TENM2: variants seen among roughly 807,000 people sequenced by gnomAD.
TENM2 encodes the protein teneurin transmembrane protein 2.
A neutral mutation model predicts 245.2 loss-of-function variants in TENM2; 52 were observed. That is an observed-to-expected ratio of 0.21 (90% CI 0.17 to 0.27). The LOEUF (loss-of-function observed/expected upper bound fraction) is 0.27. Among genes scored for constraint, TENM2 ranks in the 10% least tolerant of loss-of-function variants. TENM2 has a pLI of 1.00. For missense variants in TENM2, 3,046 were observed against 3,666.8 expected (o/e 0.83, Z 4.37); for synonymous variants, 1,363 against 1,438.9 (o/e 0.95, Z 1.19).
intron 2 of TENM2, among the ~76,000 whole-genome samples, chr5:167,459,076 A>G (rs958046930): frequency 1.3e-5 from 2 of 152,166 alleles, no homozygotes; most frequent in Admixed American, 6.5e-5. Context: ...TGCCACTGTC[A>G]CCACCATGCA....
At chr5:167,963,738 C>T (rs1233210899) in intron 4 of TENM2, among the ~76,000 whole-genome samples, 3 of 152,136 alleles carry the variant, frequency 2.0e-5, no homozygotes, top group African/African-American at 7.2e-5. Context: ...CTCTTGATGT[C>T]CCCATCAGTC....
the TENM2 span, among the ~76,000 whole-genome samples, chr5:167,251,692 C>T: frequency 6.6e-6 from 1 of 152,120 alleles, no homozygotes; most frequent in Non-Finnish European, 1.5e-5. Context: ...TCCTACGAAC[C>T]TTCTGAATTT....
In TENM2 at chr5:167,678,456, A is replaced by G. The variant is rs77511172; in HGVS notation, c.503-197530A>G. On this transcript the variant is annotated intron_variant, in intron 2 of 28. Transcript: ENST00000518659. The stretch of plus-strand genomic sequence containing the variant: ...ATTGGTAAAAATAGCTAATAAGCAG[A>G]TTCTGTGCACAGATTTATCCTTTTC... Among the ~76,000 whole-genome samples, 59 of 152,272 alleles carry G rather than the reference A, an allele frequency of 3.9e-4. No homozygotes were observed. In the East Asian group the frequency reaches 7.5e-3, roughly 19 times the overall value.
chr5:167,383,728 TAAAAA>T (rs10549785), intron 2 of TENM2, among the ~76,000 whole-genome samples: 6 of 110,384 alleles, frequency 5.4e-5, no homozygotes, highest in African/African-American at 1.2e-4. Flanking sequence ...TGGTGCAGGA[TAAAAA>T]AAAAAAAAAA....
chr5:167,356,210 A>G lies in TENM2; in HGVS notation c.227-18988A>G, dbSNP rs796456241. On this transcript the variant is annotated intron_variant, in intron 1 of 28. Coordinates refer to ENST00000518659, the Ensembl canonical transcript of TENM2. ...CTCAAAAAAAAAAAAAAAAAAAAAA[A>G]AAAAAAAAAAATTAAAATTAAAAAA... 2.4e-4 allele frequency among the ~76,000 whole-genome samples: 34 copies of G among 141,670 alleles called. 1 individual carries two copies. The highest frequency in any genetic ancestry group is 9.2e-4 in the African/African-American group (33 of 35,700). 92.9% of individuals were successfully genotyped at this position (141,670 alleles called of 152,430 possible).
chr5:167,463,810 T>G (rs1207732015), intron 2 of TENM2, among the ~76,000 whole-genome samples: 1 of 152,232 alleles, frequency 6.6e-6, no homozygotes, highest in African/African-American at 2.4e-5. Context: ...ATATTTAATG[T>G]TATACATGGG....
chr5:167,113,379 AC>A, the TENM2 span, among the ~76,000 whole-genome samples: 7 of 152,088 alleles, frequency 4.6e-5, no homozygotes, highest in Admixed American at 4.6e-4. Context: ...AGGTGTTCAC[AC>A]CTGTAATAGC....
the TENM2 span, among the ~76,000 whole-genome samples, chr5:167,110,662 C>T: frequency 6.6e-6 from 1 of 152,158 alleles, no homozygotes; most frequent in Non-Finnish European, 1.5e-5. Flanking sequence ...CCATGTCTGC[C>T]ACTCACCAGC....
intron 5 of TENM2, among the ~76,000 whole-genome samples, chr5:168,023,982 T>G (rs899342171): frequency 2.6e-5 from 4 of 152,144 alleles, no homozygotes; most frequent in South Asian, 2.1e-4. Context: ...TATACATATA[T>G]AGAGAGAGAT....
chr5:168,059,662 G>A (rs1027573961), intron 6 of TENM2, among the ~76,000 whole-genome samples: 1 of 151,818 alleles, frequency 6.6e-6, no homozygotes. Flanking sequence ...CCCCAAGGAA[G>A]GGGTATCAAA....
chr5:167,753,369 A>G (rs1420357573), intron 2 of TENM2, among the ~76,000 whole-genome samples: 2 of 152,150 alleles, frequency 1.3e-5, no homozygotes, highest in African/African-American at 4.8e-5. Flanking sequence ...ACCTGGGGTA[A>G]ATCGATTGAA....
At chr5:167,239,512 T>A in the TENM2 span, among the ~76,000 whole-genome samples, 1 of 152,168 alleles carries the variant, frequency 6.6e-6, no homozygotes, top group Non-Finnish European at 1.5e-5. Context: ...ACATTAACAT[T>A]GAATTATACG....
At chr5:167,056,531 T>C in the TENM2 span, among the ~76,000 whole-genome samples, 1 of 142,132 alleles carries the variant, frequency 7.0e-6, no homozygotes, top group South Asian at 2.1e-4. Context: ...TATATATCTA[T>C]ATATCTATAA....
At chr5:167,058,426 A>G in the TENM2 span, among the ~76,000 whole-genome samples, 144 of 152,372 alleles carry the variant, frequency 9.5e-4, no homozygotes, top group African/African-American at 3.3e-3. Context: ...AAAACTTTAA[A>G]TAGCTATTGC....
At chr5:167,374,576 C>T (rs780022659) in intron 1 of TENM2, among the ~76,000 whole-genome samples, 54 of 152,052 alleles carry the variant, frequency 3.6e-4, no homozygotes, top group African/African-American at 1.1e-3. Flanking sequence ...AAGGGAATTA[C>T]CATAAATGAG....
intron 27 of TENM2, among the ~76,000 whole-genome samples, chr5:168,257,615 A>AT (rs58911868): frequency 0.15 from 20,170 of 130,862 alleles, 1,762 homozygotes; most frequent in East Asian, 0.29. Flanking sequence ...GCAGCTCCTG[A>AT]TTTTTTTTTT....
chr5:167,664,054 G>A (rs939458947), intron 2 of TENM2, among the ~76,000 whole-genome samples: 3 of 152,128 alleles, frequency 2.0e-5, no homozygotes, highest in South Asian at 2.1e-4. Context: ...CAATTTGAGC[G>A]GAGAGTGAAG....
At chr5:167,321,357 C>T (rs1756711592) in intron 1 of TENM2, among the ~76,000 whole-genome samples, 1 of 152,066 alleles carries the variant, frequency 6.6e-6, no homozygotes, top group African/African-American at 2.4e-5. Flanking sequence ...TCTCTCTGGC[C>T]TGCTTTTTCC....
chr5:167,198,123 G>T, the TENM2 span, among the ~76,000 whole-genome samples: 89 of 152,024 alleles, frequency 5.9e-4, no homozygotes, highest in East Asian at 1.8e-3. Flanking sequence ...GAATTCACAG[G>T]CCCTGTGAGC....
Sources: allele counts gnomAD v4.1 joint callset (sites outside exome capture counted in the v4.1 genomes callset), GRCh38; gene constraint gnomAD v4.1.1; transcripts MANE v1.5; gene names NCBI Gene and HGNC (gene_info 2026-07-23, HGNC 2026-07-21).